The following WRN variants were observed in gnomAD, a reference collection of about 807,000 sequenced individuals.
WRN encodes the protein WRN RecQ like helicase.
A neutral mutation model predicts 180.7 loss-of-function variants in WRN; 149 were observed. The observed-to-expected ratio is 0.82, with a 90% confidence interval of 0.72 to 0.94. The LOEUF (loss-of-function observed/expected upper bound fraction) is 0.94, where lower values mean the gene tolerates loss of function less well. WRN is among the 40% of genes least tolerant of loss of function. WRN has a pLI of 0.00. For missense variants in WRN, 1,661 were observed against 1,700.1 expected, an observed-to-expected ratio of 0.98 and a Z score of 0.40; for synonymous variants, 548 against 568.9, an observed-to-expected ratio of 0.96 and a Z score of 0.52.
At chr8:31,113,919 A>G (rs1255590496) in intron 19 of WRN, among the ~76,000 whole-genome samples, 4 of 152,152 alleles carry the variant, frequency 2.6e-5, no homozygotes, top group African/African-American at 4.8e-5. Flanking sequence ...CCTTTCTGGA[A>G]CTCCTTACTA....
intron 30 of WRN, among the ~76,000 whole-genome samples, chr8:31,148,278 G>A (rs1057450035): frequency 2.6e-5 from 4 of 152,154 alleles, no homozygotes; most frequent in East Asian, 3.9e-4. Flanking sequence ...ATGACACCAC[G>A]TTAATTCTGA....
At chr8:31,068,949 G>A (rs1812808560) in intron 7 of WRN, among the ~76,000 whole-genome samples, 1 of 152,154 alleles carries the variant, frequency 6.6e-6, no homozygotes, top group South Asian at 2.1e-4. Context: ...GCTTTTTGTT[G>A]CACAGACCAA....
intron 3 of WRN, among the ~76,000 whole-genome samples, chr8:31,063,871 G>T (rs1024138591): frequency 2.0e-5 from 3 of 151,996 alleles, no homozygotes; most frequent in Non-Finnish European, 2.9e-5. Flanking sequence ...CTACAGGTGT[G>T]TGCCACCAAG....
chr8:31,118,074 A>G (rs1235022879), intron 20 of WRN, among the ~76,000 whole-genome samples: 1 of 152,186 alleles, frequency 6.6e-6, no homozygotes, highest in Non-Finnish European at 1.5e-5. Flanking sequence ...CTCCCAGAAC[A>G]TGAAAGAATA....
At chr8:31,143,473 T>C in intron 27 of WRN, 77 bp from the exon 28 acceptor site, 3 of 1,016,956 alleles carry the variant, frequency 2.9e-6, no homozygotes, top group Admixed American at 4.4e-5. Context: ...GATTTTGAGA[T>C]TTTTGTTTCT....
intron 13 of WRN, 72 bp downstream of exon 13, chr8:31,089,037 CTGTCTGCT>C: frequency 1.5e-6 from 2 of 1,375,776 alleles, no homozygotes; most frequent in Non-Finnish European, 2.0e-6. Flanking sequence ...GGCAAATAAC[CTGTCTGCT>C]TAACAGCAAC....
intron 6 of WRN, among the ~76,000 whole-genome samples, chr8:31,067,857 C>A (rs11574207): frequency 6.6e-6 from 1 of 152,074 alleles, no homozygotes; most frequent in Non-Finnish European, 1.5e-5. Context: ...TGAATTGTAA[C>A]CAGCAAACAA....
rs1377336819 is a variant in WRN at position 31,132,471 on chromosome 8, G to T, written c.2932G>T (p.Gly978Ter). 1 of 1,614,080 alleles carries T rather than the reference G, an allele frequency of 6.2e-7. No individual in the cohort carries two copies. Among genetic ancestry groups the T allele is most frequent in the Admixed American group, 1.7e-5 (1 of 60,022 alleles). The change falls in exon 24 of 35, where the codon GGA (glycine) becomes TGA (stop). Residue 978 changes from glycine to a stop codon, truncating the protein, a stop_gained. Transcript: ENST00000298139. LOFTEE classifies it high-confidence loss of function. ...TGTGGACATCTTAGGCGAAAAATTT[G>T]GAATTGGGCTTCCAATTTTATTTCT... Reference protein sequence around the residue: ...SAVDILGEKFGIGLPILFLRG... With the variant: ...SAVDILGEKF
In WRN at chr8:31,173,907, T is replaced by C. The variant is rs1804189749; in HGVS notation, c.*805T>C. On this transcript the variant is annotated 3_prime_UTR_variant, in exon 35 of 35. Transcript: ENST00000298139. Reference sequence around the variant, plus strand: ...CTGTGACACAGAGTTGGGTAAACGATGATTATTTAACTTTAAGCAGTTCAC... The same window carrying C: ...CTGTGACACAGAGTTGGGTAAACGACGATTATTTAACTTTAAGCAGTTCAC... 2 of 152,246 alleles carry C rather than the reference T, an allele frequency of 1.3e-5. No individual in the cohort carries two copies. Among genetic ancestry groups the C allele is most frequent in the African/African-American group, 2.4e-5 (1 of 41,472 alleles). The allele number at this position is 152,246 out of a possible 1,614,324, so 9.4% of individuals were successfully genotyped here. A position where few individuals can be genotyped will look rare whatever the true frequency, so the allele number is the denominator to read the frequency against.
At chr8:31,085,778 C>G (rs1364767610) in intron 11 of WRN, among the ~76,000 whole-genome samples, 1 of 151,814 alleles carries the variant, frequency 6.6e-6, no homozygotes, top group Non-Finnish European at 1.5e-5. Flanking sequence ...GCCCTGTGTT[C>G]CTTCTTGTGT....
intron 27 of WRN, among the ~76,000 whole-genome samples, chr8:31,143,179 G>A (rs1010070833): frequency 3.3e-5 from 5 of 152,014 alleles, no homozygotes; most frequent in African/African-American, 1.2e-4. Context: ...GCAGACTTCA[G>A]CTAATTAGAA....
chr8:31,087,983 G>A, intron 12 of WRN, 63 bp downstream of exon 12: 1 of 1,578,930 alleles, frequency 6.3e-7, no homozygotes, highest in Non-Finnish European at 8.6e-7. Flanking sequence ...TTTAACTTAG[G>A]ATCCAGTTTT....
intron 19 of WRN, among the ~76,000 whole-genome samples, chr8:31,113,938 A>G (rs1266628505): frequency 6.6e-6 from 1 of 152,204 alleles, no homozygotes; most frequent in Non-Finnish European, 1.5e-5. Flanking sequence ...TAGGAAATAA[A>G]GACCAGACTC....
At chr8:31,128,149 GAAATCAAC>G (rs1379267593) in intron 23 of WRN, among the ~76,000 whole-genome samples, 1 of 151,886 alleles carries the variant, frequency 6.6e-6, no homozygotes, top group Non-Finnish European at 1.5e-5. Flanking sequence ...AAGAGGTGGA[GAAATCAAC>G]AAATCCACCA....
intron 32 of WRN, among the ~76,000 whole-genome samples, chr8:31,156,409 T>C (rs2737341): frequency 0.36 from 55,380 of 152,122 alleles, 10,544 homozygotes; most frequent in East Asian, 0.62. Context: ...TTAAACATGC[T>C]TAGGACTAAT....
chr8:31,100,375 T>C (rs1468146962), intron 17 of WRN, among the ~76,000 whole-genome samples: 1 of 152,246 alleles, frequency 6.6e-6, no homozygotes, highest in Non-Finnish European at 1.5e-5. Context: ...GCTCTAGTAC[T>C]GGCATTTCAG....
intron 30 of WRN, among the ~76,000 whole-genome samples, chr8:31,148,132 C>T (rs555184605): frequency 1.1e-4 from 16 of 152,248 alleles, no homozygotes; most frequent in Non-Finnish European, 1.5e-5. Context: ...AGCAATCTTC[C>T]CGCCTCAGTC....
intron 24 of WRN, among the ~76,000 whole-genome samples, chr8:31,133,068 G>A (rs1802248422): frequency 6.6e-6 from 1 of 151,584 alleles, no homozygotes; most frequent in African/African-American, 2.4e-5. Context: ...ACTTTTTTTT[G>A]GAGTGATTGA....
At chr8:31,127,187 T>C (rs1283892505) in intron 23 of WRN, among the ~76,000 whole-genome samples, 2 of 152,326 alleles carry the variant, frequency 1.3e-5, no homozygotes, top group African/African-American at 4.8e-5. Flanking sequence ...TGATTCCATT[T>C]ATATAATAGT....
Sources: allele counts gnomAD v4.1 joint callset (sites outside exome capture counted in the v4.1 genomes callset), GRCh38; gene constraint gnomAD v4.1.1; transcripts MANE v1.5; gene names NCBI Gene and HGNC (gene_info 2026-07-23, HGNC 2026-07-21).